The following ERGIC1 variants were observed in gnomAD, a reference collection of about 807,000 sequenced individuals.
ERGIC1 encodes endoplasmic reticulum-golgi intermediate compartment 1.
A neutral mutation model predicts 38.3 loss-of-function variants in ERGIC1; 19 were observed. The observed-to-expected ratio is 0.50, with a 90% CI of 0.35 to 0.73. The LOEUF (loss-of-function observed/expected upper bound fraction) is 0.73. Among genes scored for constraint, ERGIC1 ranks in the 30% least tolerant of loss-of-function variants. The probability of loss-of-function intolerance (pLI) is 0.01; values close to 1 mark genes in which losing one functional copy is unlikely to be tolerated. For synonymous variants in ERGIC1, 124 were observed against 157.6 expected, an observed-to-expected ratio of 0.79 and a Z score of 1.60; for missense variants, 294 against 389.2, an observed-to-expected ratio of 0.76 and a Z score of 2.06.
At chr5:172,932,784 A>G in intron 8 of ERGIC1, 1 of 515,374 alleles carries the variant, frequency 1.9e-6, no homozygotes, top group South Asian at 2.2e-5. Flanking sequence ...TTTGACAAAG[A>G]GCAGGTAGTC....
At position 172,951,753 on chromosome 5, in the gene ERGIC1, A is replaced by G. The variant is rs1475223084; in HGVS notation, c.*937A>G. 6.6e-6 allele frequency: 1 copy of G among 152,342 alleles called. No homozygotes were observed. Among genetic ancestry groups the G allele is most frequent in the African/African-American group, 2.4e-5 (1 of 41,458 alleles). 9.4% of individuals were successfully genotyped at this position (152,342 alleles called of 1,614,324 possible). A position where few individuals can be genotyped will look rare whatever the true frequency, so the allele number is the denominator to read the frequency against. The stretch of plus-strand genomic sequence containing the variant: ...GTGCACTTACGTCCAGATGGGAAGC[A>G]TCCTTCCTGCAACCCTAAAATAATC... On this transcript the variant is annotated 3_prime_UTR_variant, in exon 10 of 10. Coordinates refer to ENST00000393784, the MANE Select transcript of ERGIC1 (RefSeq NM_001031711.3).
At chr5:172,849,588 C>T (rs1477741558) in intron 1 of ERGIC1, among the ~76,000 whole-genome samples, 2 of 152,124 alleles carry the variant, frequency 1.3e-5, no homozygotes, top group Admixed American at 1.3e-4. Flanking sequence ...GAAGCTGAGG[C>T]TTTGGGGGGT....
rs1053938320 is a variant in ERGIC1 at position 172,951,295 on chromosome 5, A to G, written c.*479A>G. Reference sequence around the variant, plus strand: ...TTCAGCTTTGGGACCAGGCTGCCCAAAGGTACTCCTTTATACACCCGGCAC... The same window carrying G: ...TTCAGCTTTGGGACCAGGCTGCCCAGAGGTACTCCTTTATACACCCGGCAC... On this transcript the variant is annotated 3_prime_UTR_variant, in exon 10 of 10. Transcript: ENST00000393784. 1.3e-5 allele frequency: 2 copies of G among 153,036 alleles called. No homozygotes were observed. The highest frequency in any genetic ancestry group is 4.8e-5 in the African/African-American group (2 of 41,470). The allele number at this position is 153,036 out of a possible 1,614,324, so 9.5% of individuals were successfully genotyped here.
chr5:172,874,404 C>G (rs2113184083), intron 1 of ERGIC1, among the ~76,000 whole-genome samples: 1 of 152,242 alleles, frequency 6.6e-6, no homozygotes, highest in African/African-American at 2.4e-5. Context: ...AACCAGCTTC[C>G]CACAGATTCT....
intron 9 of ERGIC1, 22 bp downstream of exon 9, chr5:172,935,332 G>T (rs775763644): frequency 1.7e-5 from 28 of 1,613,666 alleles, no homozygotes; most frequent in African/African-American, 2.7e-5. Context: ...GGGGCAGTGG[G>T]TGGGGCCCTG....
chr5:172,905,966 ATTGG>A (rs1763009296), intron 3 of ERGIC1: 2 of 422,116 alleles, frequency 4.7e-6, no homozygotes, highest in East Asian at 1.4e-4. Flanking sequence ...TTACTACCTG[ATTGG>A]TCAGGTGTGA....
At chr5:172,930,494 C>T (rs1581582859) in intron 7 of ERGIC1, among the ~76,000 whole-genome samples, 2 of 152,138 alleles carry the variant, frequency 1.3e-5, no homozygotes, top group East Asian at 1.9e-4. Context: ...AGGTGTGTGC[C>T]ACCAGGCTTG....
In ERGIC1 at chr5:172,924,049, G is replaced by A; in HGVS notation, c.420G>A (p.Gln140=). ...TGTCCACACACAGTGCCACAGCCCA[G>A]CCACAGAACCCAGACATGACGCATG... ...FHVSTHSATA[Q]PQNPDMTHVI... is the part of the protein sequence containing the mutation. The change falls in exon 6 of 10, where the codon CAG becomes CAA. Residue 140 remains glutamine, a synonymous_variant. Transcript: ENST00000393784. 1 of 1,614,190 alleles carries A rather than the reference G, an allele frequency of 6.2e-7. No homozygotes were observed. The highest frequency in any genetic ancestry group is 1.3e-5 in the African/African-American group (1 of 75,052).
At chr5:172,914,958 C>A in intron 5 of ERGIC1, 120 bp downstream of exon 5, 3 of 1,494,222 alleles carry the variant, frequency 2.0e-6, no homozygotes, top group South Asian at 1.2e-5. Flanking sequence ...CCCCAGCAAG[C>A]GAGGGTTCGT....
At chr5:172,943,104 C>A (rs576312053) in intron 9 of ERGIC1, among the ~76,000 whole-genome samples, 21 of 152,254 alleles carry the variant, frequency 1.4e-4, no homozygotes, top group Non-Finnish European at 2.6e-4. Flanking sequence ...CCCTCTCTGA[C>A]CCTCTGTGTC....
intron 5 of ERGIC1, chr5:172,915,185 C>A (rs1763329595): frequency 1.6e-6 from 1 of 620,060 alleles, no homozygotes; most frequent in African/African-American, 1.8e-5. Flanking sequence ...CCATCTTAGG[C>A]TGAGGGTGTG....
In ERGIC1 at chr5:172,920,812, G is replaced by A. The variant is rs576917119; in HGVS notation, c.376-3193G>A. ...TCTGCGGAAGGCCCTGTGTCACTGC[G>A]TAGAAAACCTCTGGGAGGACACACG... On this transcript the variant is annotated intron_variant, in intron 5 of 9. Transcript: ENST00000393784. 3.0e-4 allele frequency among the ~76,000 whole-genome samples: 45 copies of A among 152,354 alleles called. 2 individuals are homozygous for A. The South Asian group carries it at 5.2e-3, about 18-fold the overall frequency.
At chr5:172,915,958 T>C (rs1230935784) in intron 5 of ERGIC1, 3 of 213,108 alleles carry the variant, frequency 1.4e-5, no homozygotes, top group Non-Finnish European at 2.9e-5. Context: ...AGAACCAGTA[T>C]GAAAAGACCA....
At chr5:172,858,716 C>T (rs893457969) in intron 1 of ERGIC1, among the ~76,000 whole-genome samples, 1 of 152,186 alleles carries the variant, frequency 6.6e-6, no homozygotes, top group Non-Finnish European at 1.5e-5. Flanking sequence ...TTCATCATCT[C>T]GGCTGACCTT....
intron 1 of ERGIC1, among the ~76,000 whole-genome samples, chr5:172,835,829 T>A (rs1026466913): frequency 6.6e-6 from 1 of 152,184 alleles, no homozygotes; most frequent in Non-Finnish European, 1.5e-5. Flanking sequence ...CGGGCAGCCC[T>A]GAGGCTAGCA....
chr5:172,872,802 C>T (rs1179819621), intron 1 of ERGIC1, among the ~76,000 whole-genome samples: 1 of 148,462 alleles, frequency 6.7e-6, no homozygotes, highest in African/African-American at 2.5e-5. Flanking sequence ...GCAACAAGAG[C>T]AAAACTCTAT....
chr5:172,838,131 A>T (rs1252974121), intron 1 of ERGIC1, among the ~76,000 whole-genome samples: 1 of 152,136 alleles, frequency 6.6e-6, no homozygotes, highest in African/African-American at 2.4e-5. Context: ...TAAGGAGGGG[A>T]TGTAAACTTC....
chr5:172,865,051 C>CTTTTT (rs55657045), intron 1 of ERGIC1, among the ~76,000 whole-genome samples: 5 of 93,844 alleles, frequency 5.3e-5, no homozygotes, highest in Admixed American at 1.3e-4. Flanking sequence ...GAAAGAAATT[C>CTTTTT]TTTTTTTTTT....
intron 7 of ERGIC1, among the ~76,000 whole-genome samples, chr5:172,931,811 C>T (rs1316825030): frequency 1.3e-5 from 2 of 150,506 alleles, no homozygotes; most frequent in Admixed American, 1.3e-4. Context: ...TGTCCCATGA[C>T]TTGGTTCTTT....
Sources: gnomAD v4.1 joint callset for allele counts (sites outside exome capture counted in the v4.1 genomes callset) on GRCh38, gnomAD v4.1.1 for gene constraint, MANE v1.5 for transcripts, NCBI Gene and HGNC (gene_info 2026-07-23, HGNC 2026-07-21) for gene names.